ZNF407: variants seen among roughly 807,000 people sequenced by gnomAD.
The protein encoded by ZNF407 is zinc finger protein 407.
A neutral mutation model predicts 131.2 loss-of-function variants in ZNF407; 17 were observed. That is an observed-to-expected ratio of 0.13 (90% CI 0.09 to 0.19). ZNF407 has a LOEUF of 0.19. Ranked by LOEUF, ZNF407 falls within the 10% of genes least tolerant of loss-of-function variation. The pLI, the probability that ZNF407 is intolerant of heterozygous loss-of-function variation, is 1.00. For missense variants in ZNF407, 2,681 were observed against 2,830.6 expected (o/e 0.95, Z 1.20); for synonymous variants, 1,156 against 1,062.0 (o/e 1.09, Z -1.72).
chr18:74,888,659 A>G (rs191592184), intron 6 of ZNF407, among the ~76,000 whole-genome samples: 1 of 152,268 alleles, frequency 6.6e-6, no homozygotes, highest in African/African-American at 2.4e-5. Context: ...CAGTTTTTAC[A>G]TTTAAATTTA....
chr18:74,754,439 T>A (rs1199872375), intron 3 of ZNF407, among the ~76,000 whole-genome samples: 1 of 152,240 alleles, frequency 6.6e-6, no homozygotes, highest in African/African-American at 2.4e-5. Context: ...AATTGTGATG[T>A]TAGGATATCA....
rs1317013682 is a variant in ZNF407 at position 74,988,689 on chromosome 18, A to C, written c.5428+67997A>C. ...ACAAACAAAAAAAATAGCAGAAGACAATGTGCAAGTGGCCAGTAAGTAGAT... is the reference window on the plus strand; with the variant it reads ...ACAAACAAAAAAAATAGCAGAAGACCATGTGCAAGTGGCCAGTAAGTAGAT... On this transcript the variant is annotated intron_variant, in intron 8 of 8. Transcript: ENST00000299687. 3.2e-4 allele frequency among the ~76,000 whole-genome samples: 49 copies of C among 152,124 alleles called. 1 individual carries two copies. The highest frequency in any genetic ancestry group is 1.5e-5 in the Non-Finnish European group (1 of 68,010).
chr18:74,683,074 T>C (rs1456173247), intron 3 of ZNF407, among the ~76,000 whole-genome samples: 1 of 152,214 alleles, frequency 6.6e-6, no homozygotes, highest in African/African-American at 2.4e-5. Flanking sequence ...TTTCTGAAGA[T>C]GTAATTGTAA....
chr18:74,747,318 C>T (rs1599119219), intron 3 of ZNF407, among the ~76,000 whole-genome samples: 1 of 152,208 alleles, frequency 6.6e-6, no homozygotes, highest in African/African-American at 2.4e-5. Flanking sequence ...AAGGGAATTA[C>T]ATGGTATTCA....
intron 8 of ZNF407, among the ~76,000 whole-genome samples, chr18:74,926,035 C>T (rs981980018): frequency 6.6e-6 from 1 of 152,180 alleles, no homozygotes; most frequent in Non-Finnish European, 1.5e-5. Context: ...AAATAATTAA[C>T]ACTTCAGCAA....
chr18:74,608,866 G>A (rs888176311), intron 1 of ZNF407, among the ~76,000 whole-genome samples: 3 of 152,134 alleles, frequency 2.0e-5, no homozygotes, highest in Non-Finnish European at 4.4e-5. Flanking sequence ...TCTTCTTCTG[G>A]TGAACGTGAA....
At position 74,633,298 on chromosome 18, in the gene ZNF407, A is replaced by C. The variant is rs749963640; in HGVS notation, c.2279A>C (p.Glu760Ala). The change falls in exon 2 of 9, where the codon GAA becomes GCA. Residue 760 changes from glutamate to alanine, a missense_variant. By Grantham distance (107) the Glu-to-Ala change is moderately radical (BLOSUM62 -1). Around this residue, in one of 6 missense-constraint regions of ZNF407, gnomAD observed 1,789 missense variants for 1,748.7 expected, o/e 1.02. Coordinates refer to ENST00000299687, the MANE Select transcript of ZNF407 (RefSeq NM_017757.3). ...EKHIKRSKHL[E>A]NAKKNNIGLS... ...CACATTAAAAGAAGCAAGCATCTTG[A>C]AAATGCTAAGAAAAATAATATTGGC... The C allele has an allele frequency of 1.9e-6, 3 of 1,612,614 alleles. No homozygotes were observed. The highest frequency in any genetic ancestry group is 2.7e-5 in the African/African-American group (2 of 74,736).
At chr18:74,991,595 A>G (rs541917791) in intron 8 of ZNF407, among the ~76,000 whole-genome samples, 4 of 152,328 alleles carry the variant, frequency 2.6e-5, no homozygotes, top group African/African-American at 9.6e-5. Flanking sequence ...ATTGGTCACT[A>G]AATTTAAACA....
Position 74,634,257 on chromosome 18 carries a change from T to C in ZNF407, c.3238T>C (p.Ser1080Pro). ...HKMKRQSYLNSANVEAGSADM... is the reference protein window; with the variant it reads ...HKMKRQSYLNPANVEAGSADM... ...AATGAAAAGGCAGTCTTATCTCAAC[T>C]CTGCTAATGTAGAAGCTGGTTCTGC... The change falls in exon 2 of 9, where the codon TCT becomes CCT. Residue 1080 changes from serine (S) to proline (P), a missense_variant. By Grantham distance (74) the Ser-to-Pro change is moderately conservative (BLOSUM62 -1). Coordinates refer to ENST00000299687, the MANE Select transcript of ZNF407 (RefSeq NM_017757.3). The C allele has an allele frequency of 1.2e-6, 2 of 1,614,040 alleles. No individual in the cohort carries two copies. The highest frequency in any genetic ancestry group is 1.7e-6 in the Non-Finnish European group (2 of 1,179,896).
At position 74,952,312 on chromosome 18, in the gene ZNF407, C is replaced by A. The variant is rs1972223737; in HGVS notation, c.5428+31620C>A. On this transcript the variant is annotated intron_variant, in intron 8 of 8. Coordinates refer to ENST00000299687, the MANE Select transcript of ZNF407 (RefSeq NM_017757.3). ...CTGGGCACTGTGCTCTATGCCATCC[C>A]TGATATTATCCCTTTAATCCCAACC... is the stretch of plus-strand genomic sequence containing the variant. Among the ~76,000 whole-genome samples the A allele has an allele frequency of 2.0e-5, 3 of 152,200 alleles. No homozygotes were observed. In the South Asian group the frequency reaches 6.2e-4, roughly 31 times the overall value.
chr18:74,805,393 C>T (rs1970093975), intron 4 of ZNF407, among the ~76,000 whole-genome samples: 1 of 152,142 alleles, frequency 6.6e-6, no homozygotes, highest in South Asian at 2.1e-4. Context: ...TGAACTGTCA[C>T]AATAGTCTGA....
intron 7 of ZNF407, among the ~76,000 whole-genome samples, chr18:74,914,085 C>G (rs1402215923): frequency 6.6e-6 from 1 of 152,154 alleles, no homozygotes; most frequent in African/African-American, 2.4e-5. Flanking sequence ...CTTAGAATGC[C>G]TTTTCCATGA....
chr18:74,635,995 T>A lies in ZNF407; in HGVS notation c.4687+289T>A, dbSNP rs1219115688. On this transcript the variant is annotated intron_variant, in intron 2 of 8. Transcript: ENST00000299687. This position sits in a 1 kb window ranked among gnomAD's most constrained non-coding sequence, Gnocchi z 4.7. Reference sequence around the variant, plus strand: ...AAAAACTGCTGTCTGTTGGCGGCTTTTCAGTTGTTTCTGAGTCCTAATTAT... The same window carrying A: ...AAAAACTGCTGTCTGTTGGCGGCTTATCAGTTGTTTCTGAGTCCTAATTAT... 1.3e-5 allele frequency among the ~76,000 whole-genome samples: 2 copies of A among 152,218 alleles called. No homozygotes were observed. Among genetic ancestry groups the A allele is most frequent in the African/African-American group, 4.8e-5 (2 of 41,454 alleles).
intron 8 of ZNF407, among the ~76,000 whole-genome samples, chr18:74,958,461 GCCC>G (rs1446896482): frequency 1.3e-5 from 2 of 151,910 alleles, no homozygotes; most frequent in Non-Finnish European, 2.9e-5. Context: ...ATGAGGAGGA[GCCC>G]CGTCATATAC....
chr18:74,611,133 C>T (rs921809601), intron 1 of ZNF407, among the ~76,000 whole-genome samples: 11 of 152,078 alleles, frequency 7.2e-5, no homozygotes, highest in East Asian at 1.9e-4. Flanking sequence ...AAAAATCAAC[C>T]GCAGGTCAAT....
intron 3 of ZNF407, among the ~76,000 whole-genome samples, chr18:74,775,700 G>C (rs1388222637): frequency 1.3e-5 from 2 of 152,152 alleles, no homozygotes; most frequent in African/African-American, 4.8e-5. Flanking sequence ...ACCTGACGCT[G>C]AGTAATTTAT....
intron 4 of ZNF407, among the ~76,000 whole-genome samples, chr18:74,792,221 G>T (rs947869183): frequency 2.0e-5 from 3 of 151,960 alleles, no homozygotes; most frequent in African/African-American, 7.3e-5. Flanking sequence ...CTTTTTAGTT[G>T]TGAAGGTCTA....
chr18:74,879,121 G>A (rs1231675523), intron 5 of ZNF407, among the ~76,000 whole-genome samples: 1 of 152,008 alleles, frequency 6.6e-6, no homozygotes, highest in Non-Finnish European at 1.5e-5. Context: ...AATATATAAA[G>A]CATATATGTA....
chr18:74,977,437 G>A (rs911802285), intron 8 of ZNF407, among the ~76,000 whole-genome samples: 5 of 152,208 alleles, frequency 3.3e-5, no homozygotes, highest in South Asian at 2.1e-4. Flanking sequence ...CACATTCCAT[G>A]TGAGTTTCCT....
Sources: gnomAD v4.1 joint callset for allele counts (sites outside exome capture counted in the v4.1 genomes callset) on GRCh38, gnomAD v4.1.1 for gene constraint, gnomAD v4.1.1 regional missense constraint, Gnocchi (gnomAD v3.1) non-coding constraint, MANE v1.5 for transcripts, NCBI Gene and HGNC (gene_info 2026-07-23, HGNC 2026-07-21) for gene names.